Variants in NPAS3 observed in about 807,000 individuals in gnomAD.
The protein encoded by NPAS3 is neuronal PAS domain protein 3, also known as neuronal PAS domain-containing protein 3.
Under a neutral mutation model 73.1 loss-of-function variants are expected in NPAS3, and 14 were observed. The ratio of observed to expected loss-of-function variants is 0.19; its 90% CI spans 0.13 to 0.30. The LOEUF (loss-of-function observed/expected upper bound fraction) is 0.30. NPAS3 is among the 10% of genes least tolerant of loss of function. The pLI is 1.00. For synonymous variants in NPAS3, 620 were observed against 541.5 expected (o/e 1.14, Z -2.01); for missense variants, 1,096 against 1,250.0 (o/e 0.88, Z 1.86).
chr14:33,452,640 T>A (rs1180363087), intron 4 of NPAS3, among the ~76,000 whole-genome samples: 1 of 151,974 alleles, frequency 6.6e-6, no homozygotes, highest in Non-Finnish European at 1.5e-5. Flanking sequence ...CCAGGCATGA[T>A]GGCGGGTGCC....
chr14:33,070,016 G>A (rs1224079666), intron 2 of NPAS3, among the ~76,000 whole-genome samples: 1 of 152,100 alleles, frequency 6.6e-6, no homozygotes, highest in Non-Finnish European at 1.5e-5. Flanking sequence ...TGACAGACTG[G>A]CAAACAGCAT....
At chr14:33,079,605 A>C in intron 2 of NPAS3, among the ~76,000 whole-genome samples, 3 of 110,702 alleles carry the variant, frequency 2.7e-5, no homozygotes, top group Admixed American at 1.1e-4. Context: ...GGCATGAGCC[A>C]GGCCTTTTTT....
At chr14:33,584,551 T>C (rs1445293112) in intron 5 of NPAS3, among the ~76,000 whole-genome samples, 1 of 152,166 alleles carries the variant, frequency 6.6e-6, no homozygotes, top group Non-Finnish European at 1.5e-5. Flanking sequence ...TCTTTTAATA[T>C]TTAAATTCCC....
At chr14:33,473,225 C>G (rs948092688) in intron 4 of NPAS3, among the ~76,000 whole-genome samples, 3 of 152,118 alleles carry the variant, frequency 2.0e-5, no homozygotes, top group Admixed American at 1.3e-4. Context: ...GAACGTGCAT[C>G]AGAATCTTCA....
chr14:33,624,170 A>G (rs563440957), intron 5 of NPAS3, among the ~76,000 whole-genome samples: 1 of 152,122 alleles, frequency 6.6e-6, no homozygotes, highest in South Asian at 2.1e-4. Context: ...GCTTTTGTTG[A>G]TTGTCTGTCT....
At chr14:33,372,715 G>A (rs2046144853) in intron 4 of NPAS3, among the ~76,000 whole-genome samples, 1 of 152,204 alleles carries the variant, frequency 6.6e-6, no homozygotes, top group Non-Finnish European at 1.5e-5. Context: ...GTGAATCCCA[G>A]CCCTAGTGGG....
chr14:33,333,331 A>G (rs545530600), intron 3 of NPAS3, among the ~76,000 whole-genome samples: 2 of 152,214 alleles, frequency 1.3e-5, no homozygotes, highest in Non-Finnish European at 2.9e-5. Context: ...ATTAGCAAAC[A>G]GATGTTTAAC....
chr14:33,472,390 T>C (rs1035272660), intron 4 of NPAS3, among the ~76,000 whole-genome samples: 5 of 152,140 alleles, frequency 3.3e-5, no homozygotes, highest in South Asian at 2.1e-4. Context: ...GGGGAAACCA[T>C]GTGGGATGGG....
At chr14:33,791,332 C>T (rs907951436) in intron 9 of NPAS3, among the ~76,000 whole-genome samples, 1 of 152,242 alleles carries the variant, frequency 6.6e-6, no homozygotes, top group African/African-American at 2.4e-5. Context: ...AGTCACCTGT[C>T]CTGCCCCTCT....
intron 1 of NPAS3, among the ~76,000 whole-genome samples, chr14:32,995,022 A>G (rs2038508432): frequency 6.6e-6 from 1 of 152,242 alleles, no homozygotes; most frequent in Non-Finnish European, 1.5e-5. Flanking sequence ...TCACTAAAGA[A>G]ACAAGTGGCT....
intron 1 of NPAS3, among the ~76,000 whole-genome samples, chr14:33,018,143 G>T (rs1010172832): frequency 6.6e-6 from 1 of 152,184 alleles, no homozygotes; most frequent in Non-Finnish European, 1.5e-5. Flanking sequence ...AGATTGTGGA[G>T]GTGGACACAA....
intron 1 of NPAS3, among the ~76,000 whole-genome samples, chr14:33,050,774 T>C (rs1020851098): frequency 6.6e-6 from 1 of 152,212 alleles, no homozygotes; most frequent in Non-Finnish European, 1.5e-5. Flanking sequence ...GCCTATAGTT[T>C]ATAAAAATAT....
At chr14:33,434,520 A>C (rs889477861) in intron 4 of NPAS3, among the ~76,000 whole-genome samples, 2 of 150,370 alleles carry the variant, frequency 1.3e-5, no homozygotes, top group Admixed American at 1.3e-4. Context: ...GCAAGACCCC[A>C]TCTCAAAAAA....
chr14:33,622,172 G>T (rs980291744), intron 5 of NPAS3, among the ~76,000 whole-genome samples: 3 of 151,966 alleles, frequency 2.0e-5, no homozygotes, highest in Admixed American at 2.0e-4. Context: ...ATTACCAGTC[G>T]GTTCTAAGAG....
chr14:33,155,490 A>G (rs1179099391), intron 2 of NPAS3, among the ~76,000 whole-genome samples: 2 of 152,196 alleles, frequency 1.3e-5, no homozygotes, highest in African/African-American at 4.8e-5. Flanking sequence ...TCCTGGGCTC[A>G]AGAGGTCTTC....
chr14:33,565,773 G>A (rs1342640509), intron 5 of NPAS3, among the ~76,000 whole-genome samples: 3 of 152,140 alleles, frequency 2.0e-5, no homozygotes, highest in Non-Finnish European at 4.4e-5. Context: ...TAGCATTTTT[G>A]CAGTTGGTGT....
intron 1 of NPAS3, among the ~76,000 whole-genome samples, chr14:33,051,002 C>T (rs1162844720): frequency 2.0e-5 from 3 of 152,140 alleles, no homozygotes; most frequent in Non-Finnish European, 4.4e-5. Flanking sequence ...AGGCCGGGCG[C>T]GGTGGCTCAC....
intron 4 of NPAS3, among the ~76,000 whole-genome samples, chr14:33,534,194 G>T (rs1323012864): frequency 6.8e-6 from 1 of 147,192 alleles, no homozygotes. Flanking sequence ...GCTATGTGTG[G>T]TACTTACTAT....
intron 6 of NPAS3, among the ~76,000 whole-genome samples, chr14:33,720,007 T>A (rs1357988074): frequency 6.6e-6 from 1 of 151,968 alleles, no homozygotes; most frequent in Non-Finnish European, 1.5e-5. Context: ...AGTGTAGAAA[T>A]TACATTAAGA....
Sources: allele counts gnomAD v4.1 joint callset (sites outside exome capture counted in the v4.1 genomes callset), GRCh38; gene constraint gnomAD v4.1.1; transcripts MANE v1.5; gene names NCBI Gene and HGNC (gene_info 2026-07-23, HGNC 2026-07-21).